DENND1B: variants seen among roughly 807,000 people sequenced by gnomAD.
DENND1B encodes DENN domain containing 1B, also known as DENN domain-containing protein 1B.
A neutral mutation model predicts 90.1 loss-of-function variants in DENND1B; 59 were observed. The observed-to-expected ratio is 0.65, with a 90% CI of 0.53 to 0.81. The LOEUF (loss-of-function observed/expected upper bound fraction) is 0.81, where lower values mean the gene tolerates loss of function less well. DENND1B is among the 40% of genes least tolerant of loss of function. DENND1B has a pLI of 0.00. For synonymous variants in DENND1B, 337 were observed against 324.6 expected (o/e 1.04, Z -0.41); for missense variants, 862 against 912.6 (o/e 0.94, Z 0.71).
chr1:197,736,008 C>G, intron 2 of DENND1B: 1 of 1,014,070 alleles, frequency 9.9e-7, no homozygotes, highest in Non-Finnish European at 1.5e-6. Flanking sequence ...TATCTAAAAA[C>G]ACTGCAATGG....
intron 5 of DENND1B, among the ~76,000 whole-genome samples, chr1:197,660,019 C>A (rs1654247916): frequency 6.6e-6 from 1 of 151,266 alleles, no homozygotes; most frequent in South Asian, 2.1e-4. Flanking sequence ...TATTTAATAT[C>A]CTTAGGAGCT....
In DENND1B at chr1:197,619,972, C is replaced by A. The variant is rs114008525; in HGVS notation, c.673-2213G>T. ...GACAAGGAGAGGAAAAAATATATGA[C>A]AACTCCTTCCCAACCACAGTTCTGG... On this transcript the variant is annotated intron_variant, in intron 10 of 22. Transcript: ENST00000620048. Among the ~76,000 whole-genome samples the A allele has an allele frequency of 5.9e-3, 892 of 151,274 alleles. 13 individuals carry two copies. Among genetic ancestry groups the A allele is most frequent in the African/African-American group, 0.02 (834 of 41,394 alleles).
intron 14 of DENND1B, among the ~76,000 whole-genome samples, chr1:197,587,622 AT>A (rs1306006302): frequency 7.9e-5 from 12 of 152,134 alleles, no homozygotes; most frequent in Non-Finnish European, 1.5e-4. Context: ...ATTCTTGATC[AT>A]CTTTGCATTC....
At chr1:197,761,385 C>A (rs892421940) in intron 2 of DENND1B, among the ~76,000 whole-genome samples, 50 of 152,008 alleles carry the variant, frequency 3.3e-4, no homozygotes, top group African/African-American at 1.2e-3. Context: ...AAAAAGAATC[C>A]TTTCTGAACC....
chr1:197,609,889 A>G (rs1413159344), intron 12 of DENND1B, among the ~76,000 whole-genome samples: 2 of 150,742 alleles, frequency 1.3e-5, no homozygotes, highest in African/African-American at 4.8e-5. Context: ...TACATACTAA[A>G]TATGTAAATA....
chr1:197,531,154 A>C (rs1669581883), intron 20 of DENND1B, among the ~76,000 whole-genome samples: 1 of 152,228 alleles, frequency 6.6e-6, no homozygotes, highest in Non-Finnish European at 1.5e-5. Flanking sequence ...GAAGTTTTAA[A>C]TGAATCACGT....
chr1:197,563,923 C>T (rs1213831455), intron 15 of DENND1B, among the ~76,000 whole-genome samples: 1 of 151,814 alleles, frequency 6.6e-6, no homozygotes, highest in Non-Finnish European at 1.5e-5. Context: ...AAGACTTCTT[C>T]GAGGAAGTAA....
rs1033698629 is a variant in DENND1B, at chr1:197,637,669, C to T, written c.672+5042G>A. On this transcript the variant is annotated intron_variant, in intron 10 of 22. Coordinates refer to ENST00000620048, the MANE Select transcript of DENND1B (RefSeq NM_001195215.2). The stretch of plus-strand genomic sequence containing the variant: ...TACAATGTTCAGAATAGCTGTGTAC[C>T]GGTGAAATGATAAACTGGTAAGTAG... Among the ~76,000 whole-genome samples, 8 of 152,112 alleles carry T rather than the reference C, an allele frequency of 5.3e-5. No homozygotes were observed. The East Asian group carries it at 7.7e-4, about 15-fold the overall frequency.
intron 10 of DENND1B, among the ~76,000 whole-genome samples, chr1:197,637,839 G>A (rs1437876101): frequency 1.3e-5 from 2 of 152,034 alleles, no homozygotes; most frequent in Non-Finnish European, 2.9e-5. Context: ...AAAACATGAG[G>A]CACAAAAATA....
At chr1:197,618,451 C>A (rs375033473) in intron 10 of DENND1B, among the ~76,000 whole-genome samples, 1 of 151,146 alleles carries the variant, frequency 6.6e-6, no homozygotes, top group African/African-American at 2.4e-5. Context: ...TGTTTCCTAG[C>A]TTTATATCAC....
intron 10 of DENND1B, among the ~76,000 whole-genome samples, chr1:197,623,280 T>C (rs890744155): frequency 1.1e-4 from 17 of 151,474 alleles, no homozygotes; most frequent in Non-Finnish European, 2.5e-4. Flanking sequence ...TAAATAACTA[T>C]AAGTATAAAC....
At chr1:197,601,267 A>C (rs1232361056) in intron 13 of DENND1B, among the ~76,000 whole-genome samples, 34 of 151,588 alleles carry the variant, frequency 2.2e-4, no homozygotes, top group Admixed American at 2.2e-3. Flanking sequence ...CAAATCTAAC[A>C]ATCTGTTCCA....
At chr1:197,663,988 GAAAACTTTTGAAAC>G (rs1654681228) in intron 5 of DENND1B, among the ~76,000 whole-genome samples, 1 of 149,732 alleles carries the variant, frequency 6.7e-6, no homozygotes, top group Admixed American at 6.7e-5. Flanking sequence ...TTTTTAAAAA[GAAAACTTTTGAAAC>G]ACACACATAC....
At chr1:197,554,159 C>T (rs1558234040) in intron 15 of DENND1B, among the ~76,000 whole-genome samples, 1 of 149,690 alleles carries the variant, frequency 6.7e-6, no homozygotes, top group Non-Finnish European at 1.5e-5. Context: ...GTATTACTAG[C>T]AGCACTTGGT....
At chr1:197,638,584 G>A (rs923446617) in intron 10 of DENND1B, among the ~76,000 whole-genome samples, 1 of 152,170 alleles carries the variant, frequency 6.6e-6, no homozygotes, top group African/African-American at 2.4e-5. Context: ...TGACTGATTT[G>A]AGAACCACTG....
chr1:197,718,004 G>A (rs147702945), intron 2 of DENND1B, among the ~76,000 whole-genome samples: 6 of 151,806 alleles, frequency 4.0e-5, no homozygotes, highest in East Asian at 1.9e-4. Flanking sequence ...TCTTGATTAC[G>A]GGTTTCAGTG....
chr1:197,525,652 T>C (rs184729418), intron 20 of DENND1B, among the ~76,000 whole-genome samples: 79 of 152,204 alleles, frequency 5.2e-4, no homozygotes, highest in South Asian at 1.4e-3. Flanking sequence ...TCAAAAAATA[T>C]ACAGCTAAGG....
rs116408493 is a variant in DENND1B at position 197,692,111 on chromosome 1, T to C, written c.127-17942A>G. 4.5e-3 allele frequency among the ~76,000 whole-genome samples: 684 copies of C among 151,150 alleles called. 4 individuals carry two copies. Among genetic ancestry groups the C allele is most frequent in the Non-Finnish European group, 7.9e-3 (536 of 67,560 alleles). ...CAATTTGTTTATAGAGTAGATCTCA[T>C]GTATCTGTGCCTCCACAATAAAAAA... On this transcript the variant is annotated intron_variant, in intron 3 of 22. Transcript: ENST00000620048.
rs536944649 is a variant in DENND1B, at chr1:197,749,026, C to T, written c.82+23842G>A. ...AAAAACATTCACTGTATGGGCTTAA[C>T]AGCAGATTGGATACTGTAGAATAAA... On this transcript the variant is annotated intron_variant, in intron 2 of 22. Transcript: ENST00000620048. Among the ~76,000 whole-genome samples the T allele has an allele frequency of 3.9e-5, 6 of 152,102 alleles. No individual in the cohort carries two copies. The South Asian group carries it at 1.2e-3, about 32-fold the overall frequency.
Sources: gnomAD v4.1 joint callset for allele counts (sites outside exome capture counted in the v4.1 genomes callset) on GRCh38, gnomAD v4.1.1 for gene constraint, MANE v1.5 for transcripts, NCBI Gene and HGNC (gene_info 2026-07-23, HGNC 2026-07-21) for gene names.